CSMD2: variants seen among roughly 807,000 people sequenced by gnomAD.
The protein encoded by CSMD2 is CUB and Sushi multiple domains 2, also known as CUB and sushi domain-containing protein 2.
CSMD2 carries 130 observed loss-of-function variants against 398.5 expected under a neutral mutation model. That is an observed-to-expected ratio of 0.33 (90% confidence interval 0.28 to 0.38). The LOEUF (loss-of-function observed/expected upper bound fraction) is 0.38, where lower values mean the gene tolerates loss of function less well. Among genes scored for constraint, CSMD2 ranks in the 10% least tolerant of loss-of-function variants. The pLI is 1.00. For synonymous variants in CSMD2, 1,828 were observed against 1,908.5 expected, an observed-to-expected ratio of 0.96 and a Z score of 1.10; for missense variants, 3,829 against 4,764.9, an observed-to-expected ratio of 0.80 and a Z score of 5.78.
intron 2 of CSMD2, among the ~76,000 whole-genome samples, chr1:34,054,574 A>G (rs1653601786): frequency 6.6e-6 from 1 of 152,090 alleles, no homozygotes; most frequent in Non-Finnish European, 1.5e-5. Flanking sequence ...CCAAAAAATA[A>G]AAAATAATAA....
chr1:34,072,810 C>A (rs544287570), intron 2 of CSMD2, among the ~76,000 whole-genome samples: 1 of 152,258 alleles, frequency 6.6e-6, no homozygotes, highest in African/African-American at 2.4e-5. Flanking sequence ...CCCTCCCCCA[C>A]CACGTCTGCC....
intron 53 of CSMD2, among the ~76,000 whole-genome samples, chr1:33,563,132 C>T (rs1658725577): frequency 6.6e-6 from 1 of 152,136 alleles, no homozygotes; most frequent in South Asian, 2.1e-4. Flanking sequence ...GACCTAGTTT[C>T]CTAAGGGCAG....
chr1:34,000,464 C>T (rs535035514), intron 3 of CSMD2, among the ~76,000 whole-genome samples: 5 of 152,172 alleles, frequency 3.3e-5, no homozygotes, highest in South Asian at 2.1e-4. Flanking sequence ...AGAGAAATGC[C>T]GGATCTGGTG....
intron 12 of CSMD2, among the ~76,000 whole-genome samples, chr1:33,779,585 C>T (rs1326493497): frequency 6.6e-6 from 1 of 152,208 alleles, no homozygotes; most frequent in Non-Finnish European, 1.5e-5. Flanking sequence ...ACCTGCCATC[C>T]TCTCTTCCCG....
chr1:34,106,513 C>A (rs1343685846), intron 1 of CSMD2, among the ~76,000 whole-genome samples: 1 of 152,156 alleles, frequency 6.6e-6, no homozygotes, highest in Non-Finnish European at 1.5e-5. Flanking sequence ...AAGCAAAACC[C>A]AGGCTCTCAA....
chr1:33,782,738 T>C lies in CSMD2; in HGVS notation c.1663+5862A>G, dbSNP rs144013093. ...CATGTGTCCTGTGCCAGGCACTGAA[T>C]TAGGCTCTACAGGACTGCAGAGATT... On this transcript the variant is annotated intron_variant, in intron 12 of 70. Coordinates refer to ENST00000373381, the MANE Select transcript of CSMD2 (RefSeq NM_001281956.2). 4.1e-3 allele frequency among the ~76,000 whole-genome samples: 626 copies of C among 152,328 alleles called. 8 individuals are homozygous for C. Among genetic ancestry groups the C allele is most frequent in the African/African-American group, 0.014 (595 of 41,580 alleles).
At chr1:33,851,010 C>G (rs747676599) in intron 5 of CSMD2, among the ~76,000 whole-genome samples, 5 of 152,134 alleles carry the variant, frequency 3.3e-5, no homozygotes, top group Non-Finnish European at 5.9e-5. Context: ...ATACCCCCAT[C>G]AAGATGACAA....
At chr1:33,806,549 G>A (rs1385826138) in intron 10 of CSMD2, among the ~76,000 whole-genome samples, 1 of 152,146 alleles carries the variant, frequency 6.6e-6, no homozygotes, top group African/African-American at 2.4e-5. Flanking sequence ...GGTTCTGAGT[G>A]CAAGAGGTGA....
intron 5 of CSMD2, among the ~76,000 whole-genome samples, chr1:33,861,769 A>G (rs748717604): frequency 6.6e-6 from 1 of 152,154 alleles, no homozygotes; most frequent in Non-Finnish European, 1.5e-5. Context: ...CACCCTAGGC[A>G]GGAGGAGATA....
Position 33,580,905 on chromosome 1 carries a change from G to T in CSMD2, c.7241-6C>A, listed in dbSNP as rs571820199. 1.2e-6 allele frequency: 2 copies of T among 1,613,848 alleles called. No individual in the cohort carries two copies. The highest frequency in any genetic ancestry group is 1.7e-6 in the Non-Finnish European group (2 of 1,179,932). On this transcript the variant is annotated splice_region_variant and splice_polypyrimidine_tract_variant and intron_variant, in intron 47 of 70. Transcript: ENST00000373381. ...AGGACTCTGTCCTGATGGACCTGGG[G>T]TGAGAAGGACGCAGGATTACAGACC...
At chr1:34,159,110 C>T (rs1321227033) in intron 1 of CSMD2, among the ~76,000 whole-genome samples, 1 of 152,102 alleles carries the variant, frequency 6.6e-6, no homozygotes, top group East Asian at 1.9e-4. Context: ...GTCTCATCAG[C>T]ACACTTACTG....
chr1:33,763,141 A>G (rs1172726675), intron 13 of CSMD2, among the ~76,000 whole-genome samples: 1 of 152,196 alleles, frequency 6.6e-6, no homozygotes, highest in Non-Finnish European at 1.5e-5. Flanking sequence ...AGTATTAGCT[A>G]GGAAAAAAGT....
At chr1:34,140,015 T>C (rs1435229819) in intron 1 of CSMD2, among the ~76,000 whole-genome samples, 1 of 152,096 alleles carries the variant, frequency 6.6e-6, no homozygotes, top group Non-Finnish European at 1.5e-5. Flanking sequence ...CCAGGGACCA[T>C]CCATGGTCCA....
At chr1:33,712,901 T>C (rs1646040833) in intron 21 of CSMD2, among the ~76,000 whole-genome samples, 1 of 152,212 alleles carries the variant, frequency 6.6e-6, no homozygotes, top group South Asian at 2.1e-4. Flanking sequence ...CTGGGGTTAT[T>C]TAATTGTTCA....
rs1045746316 is a variant in CSMD2, at chr1:34,116,518, G to C, written c.188-27325C>G. 4.6e-5 allele frequency among the ~76,000 whole-genome samples: 7 copies of C among 152,102 alleles called. No individual in the cohort carries two copies. In the East Asian group the frequency reaches 9.6e-4, roughly 21 times the overall value. ...TGAAGCAAACATTGACAGAATTAAA[G>C]AGAAAAATAGACAGTAACATGATAA... On this transcript the variant is annotated intron_variant, in intron 1 of 70. Transcript: ENST00000373381.
chr1:33,728,310 G>T (rs994668369), intron 15 of CSMD2, among the ~76,000 whole-genome samples: 13 of 148,000 alleles, frequency 8.8e-5, no homozygotes, highest in African/African-American at 3.1e-4. Flanking sequence ...TTTCATAAAA[G>T]ATAGTCTAAT....
At chr1:34,135,953 A>G (rs892184296) in intron 1 of CSMD2, among the ~76,000 whole-genome samples, 1 of 152,096 alleles carries the variant, frequency 6.6e-6, no homozygotes, top group Non-Finnish European at 1.5e-5. Context: ...CTTCTATGCC[A>G]TTCGAATTTT....
chr1:34,102,354 T>G (rs2148414766), intron 1 of CSMD2, among the ~76,000 whole-genome samples: 1 of 152,266 alleles, frequency 6.6e-6, no homozygotes, highest in East Asian at 1.9e-4. Context: ...CTATAGGCAG[T>G]CACATTTATC....
intron 1 of CSMD2, among the ~76,000 whole-genome samples, chr1:34,153,285 G>A (rs895363951): frequency 2.0e-5 from 3 of 152,224 alleles, no homozygotes; most frequent in African/African-American, 4.8e-5. Flanking sequence ...CCAAAGTGCT[G>A]GGATTATAGG....
Sources: allele counts gnomAD v4.1 joint callset (sites outside exome capture counted in the v4.1 genomes callset), GRCh38; gene constraint gnomAD v4.1.1; transcripts MANE v1.5; gene names NCBI Gene and HGNC (gene_info 2026-07-23, HGNC 2026-07-21).